The following CCNE1 variants were observed in gnomAD, a reference collection of about 807,000 sequenced individuals.
CCNE1 encodes the protein G1/S-specific cyclin-E1.
Under a neutral mutation model 54.1 loss-of-function variants are expected in CCNE1, and 8 were observed. That is an observed-to-expected ratio of 0.15 (90% CI 0.09 to 0.27). The LOEUF is 0.27. CCNE1 is among the 10% of genes least tolerant of loss of function. The pLI, the probability that CCNE1 is intolerant of heterozygous loss-of-function variation, is 1.00. For synonymous variants in CCNE1, 179 were observed against 185.2 expected (o/e 0.97, Z 0.27); for missense variants, 430 against 514.9 (o/e 0.84, Z 1.60).
At chr19:29,816,169 A>G (rs1056983256) in intron 4 of CCNE1, among the ~76,000 whole-genome samples, 3 of 151,846 alleles carry the variant, frequency 2.0e-5, no homozygotes, top group Admixed American at 6.6e-5. Context: ...AAAAAAAAAA[A>G]AAAAGCCAAG....
chr19:29,821,729 A>G lies in CCNE1; in HGVS notation c.617A>G (p.Tyr206Cys), dbSNP rs149261350. The G allele has an allele frequency of 3.1e-4, 496 of 1,602,884 alleles. No homozygotes were observed. The highest frequency in any genetic ancestry group is 4.5e-4 in the African/African-American group (34 of 74,774). ...LFIAAKLEEI[Y>C]PPKLHQFAYV... is the part of the protein sequence containing the mutation. Reference sequence around the variant, plus strand: ...TCTTTTATTTCCTTTCAGGAAATCTATCCTCCAAAGTTGCACCAGTTTGCG... The same window carrying G: ...TCTTTTATTTCCTTTCAGGAAATCTGTCCTCCAAAGTTGCACCAGTTTGCG... The change falls in exon 8 of 12, where the codon TAT becomes TGT. Residue 206 changes from tyrosine to cysteine, a missense_variant. Tyr to Cys is a radical substitution (Grantham distance 194). Coordinates refer to ENST00000262643, the MANE Select transcript of CCNE1 (RefSeq NM_001238.4).
intron 6 of CCNE1, among the ~76,000 whole-genome samples, chr19:29,820,367 G>A (rs145696372): frequency 6.0e-4 from 91 of 152,146 alleles, no homozygotes; most frequent in African/African-American, 1.8e-3. Flanking sequence ...CCTGGCCAAC[G>A]TGGTGAAATA....
chr19:29,812,515 C>T lies in CCNE1; in HGVS notation c.-24-17C>T, dbSNP rs1408785361. 4 of 1,289,328 alleles carry T rather than the reference C, an allele frequency of 3.1e-6. No homozygotes were observed. Among genetic ancestry groups the T allele is most frequent in the Non-Finnish European group, 3.9e-6 (4 of 1,025,888 alleles). 79.9% of individuals were successfully genotyped at this position (1,289,328 alleles called of 1,614,324 possible). On this transcript the variant is annotated splice_polypyrimidine_tract_variant and intron_variant, in intron 1 of 11. Transcript: ENST00000262643. ...CGGCCTGACCCCGCCGCCGCCTCAC[C>T]CCGCGCCGCCCCGCAGGCCTCAGGC...
At chr19:29,816,137 CAG>C (rs928855239) in intron 4 of CCNE1, among the ~76,000 whole-genome samples, 5 of 133,022 alleles carry the variant, frequency 3.8e-5, no homozygotes, top group Admixed American at 2.5e-4. Flanking sequence ...GCCTGGGGAA[CAG>C]AGGGAGACCC....
Position 29,822,478 on chromosome 19 carries a change from A to G in CCNE1, c.985A>G (p.Lys329Glu). The G allele has an allele frequency of 6.2e-7, 1 of 1,614,136 alleles. No homozygotes were observed. Among genetic ancestry groups the G allele is most frequent in the East Asian group, 2.2e-5 (1 of 44,880 alleles). ...GTGGTGCGACATAGAGAACTGTGTC[A>G]AGTGGATGGTTCCATTTGCCATGGT... ...YQWCDIENCV[K>E]WMVPFAMVIR... Residue 329 changes from lysine (K) to glutamate (E), a missense_variant, in exon 11 of 12, where the codon AAG becomes GAG. This residue lies in a region of CCNE1 where 303 missense variants were observed against 401.1 expected (regional missense o/e 0.76). Coordinates refer to ENST00000262643, the MANE Select transcript of CCNE1 (RefSeq NM_001238.4).
At chr19:29,812,848 C>T (rs1973926867) in intron 3 of CCNE1, 72 bp downstream of exon 3, 2 of 1,578,562 alleles carry the variant, frequency 1.3e-6, no homozygotes, top group Admixed American at 1.8e-5. Context: ...GCTCTGCCTA[C>T]GGGGGCGGGG....
Position 29,820,731 on chromosome 19 carries a change from G to C in CCNE1, c.492G>C (p.Glu164Asp), listed in dbSNP as rs138463303. 1 of 1,612,080 alleles carries C rather than the reference G, an allele frequency of 6.2e-7. No individual in the cohort carries two copies. Among genetic ancestry groups the C allele is most frequent in the African/African-American group, 1.3e-5 (1 of 74,768 alleles). The change falls in exon 7 of 12, where the codon GAG becomes GAC. Residue 164 changes from glutamate to aspartate, a missense_variant. This residue lies in a region of CCNE1 where 303 missense variants were observed against 401.1 expected (regional missense o/e 0.76). Transcript: ENST00000262643. ...EVCEVYKLHR[E>D]TFYLAQDFFD... ...GTGAAGTCTATAAACTTCACAGGGA[G>C]ACCTTTTACTTGGCACAAGATTTCT...
chr19:29,813,671 C>G (rs1030617265), intron 4 of CCNE1, among the ~76,000 whole-genome samples: 1 of 139,702 alleles, frequency 7.2e-6, no homozygotes, highest in African/African-American at 2.5e-5. Flanking sequence ...TAGGTGGTGT[C>G]TCAATACATT....
intron 6 of CCNE1, among the ~76,000 whole-genome samples, chr19:29,819,824 G>A (rs1272236553): frequency 1.3e-5 from 2 of 152,170 alleles, no homozygotes; most frequent in Non-Finnish European, 2.9e-5. Context: ...GACATCTCAG[G>A]CAGACCTGCT....
At chr19:29,822,187 T>C (rs1206717839) in intron 9 of CCNE1, 53 bp from the exon 10 acceptor site, 54 of 1,611,856 alleles carry the variant, frequency 3.4e-5, no homozygotes, top group Non-Finnish European at 4.2e-5. Flanking sequence ...AGTGAGGAAC[T>C]CTAGAATAGG....
intron 6 of CCNE1, among the ~76,000 whole-genome samples, chr19:29,818,239 G>A (rs565928230): frequency 1.3e-5 from 2 of 152,164 alleles, no homozygotes; most frequent in Non-Finnish European, 2.9e-5. Flanking sequence ...TGTTAGCCAG[G>A]ATGGTCTCGA....
chr19:29,813,051 G>C lies in CCNE1; in HGVS notation c.180+14G>C. 6.2e-7 allele frequency: 1 copy of C among 1,613,696 alleles called. No homozygotes were observed. The highest frequency in any genetic ancestry group is 8.5e-7 in the Non-Finnish European group (1 of 1,179,656). ...TGTGGGAGCCAGGTAGGTCCGCCCG[G>C]GGTTGGGCCTCTGTGGAGGTCCTTC... On this transcript the variant is annotated intron_variant, in intron 4 of 11. Transcript: ENST00000262643.
chr19:29,822,496 G>C lies in CCNE1; in HGVS notation c.1003G>C (p.Ala335Pro), dbSNP rs2145729876. Residue 335 changes from alanine (A) to proline (P), a missense_variant, in exon 11 of 12, where the codon GCC (alanine) becomes CCC (proline). This residue lies in a region of CCNE1 where 303 missense variants were observed against 401.1 expected (regional missense o/e 0.76). Transcript: ENST00000262643. ...ENCVKWMVPF[A>P]MVIRETGSSK... Reference sequence around the variant, plus strand: ...CTGTGTCAAGTGGATGGTTCCATTTGCCATGGTTATAAGGGAGACGGGGAG... The same window carrying C: ...CTGTGTCAAGTGGATGGTTCCATTTCCCATGGTTATAAGGGAGACGGGGAG... 6.2e-7 allele frequency: 1 copy of C among 1,614,110 alleles called. No homozygotes were observed. The highest frequency in any genetic ancestry group is 8.5e-7 in the Non-Finnish European group (1 of 1,180,012).
chr19:29,813,311 C>A (rs1325276879), intron 4 of CCNE1: 1 of 460,614 alleles, frequency 2.2e-6, no homozygotes, highest in African/African-American at 2.0e-5. Context: ...TCACAGTATT[C>A]AGTCCTCCCC....
rs1472595244 is a variant in CCNE1 at position 29,812,772 on chromosome 19, C to A, written c.107C>A (p.Thr36Asn). Reference sequence around the variant, plus strand: ...TCCAGGAAGAGGAAGGCAAACGTGACCGTTGTGAGTACAAAAGAGACAGGT... The same window carrying A: ...TCCAGGAAGAGGAAGGCAAACGTGAACGTTGTGAGTACAAAAGAGACAGGT... ...ARSRKRKANV[T>N]VFLQDPDEEM... Residue 36 changes from threonine (T) to asparagine (N), a missense_variant, in exon 3 of 12, where the codon ACC becomes AAC. By Grantham distance (65) the Thr-to-Asn change is moderately conservative (BLOSUM62 0). Coordinates refer to ENST00000262643, the MANE Select transcript of CCNE1 (RefSeq NM_001238.4). 6.3e-7 allele frequency: 1 copy of A among 1,589,970 alleles called. No individual in the cohort carries two copies. Among genetic ancestry groups the A allele is most frequent in the Admixed American group, 1.9e-5 (1 of 54,030 alleles).
rs138943337 is a variant in CCNE1, at chr19:29,815,721, C to T, written c.181-1416C>T. Reference sequence around the variant, plus strand: ...TCGGCTCCCTGCAACCTCCGCCTCCCAGGTTCAAGTGATTCTCCTGCTTCA... The same window carrying T: ...TCGGCTCCCTGCAACCTCCGCCTCCTAGGTTCAAGTGATTCTCCTGCTTCA... On this transcript the variant is annotated intron_variant, in intron 4 of 11. Coordinates refer to ENST00000262643, the MANE Select transcript of CCNE1 (RefSeq NM_001238.4). Among the ~76,000 whole-genome samples, 213 of 151,254 alleles carry T rather than the reference C, an allele frequency of 1.4e-3. 1 individual carries two copies. The highest frequency in any genetic ancestry group is 5.0e-3 in the African/African-American group (207 of 41,146).
chr19:29,822,050 A>C lies in CCNE1; in HGVS notation c.760A>C (p.Met254Leu), dbSNP rs1418732142. Residue 254 changes from methionine to leucine, a missense_variant, in exon 9 of 12, where the codon ATG becomes CTG. By Grantham distance (15) the Met-to-Leu change is conservative. This residue lies in a region of CCNE1 where 303 missense variants were observed against 401.1 expected (regional missense o/e 0.76). Coordinates refer to ENST00000262643, the MANE Select transcript of CCNE1 (RefSeq NM_001238.4). ...LTIVSWLNVY[M>L]QVAYLNDLHE... ...TATTGTGTCCTGGCTGAATGTATAC[A>C]TGCAGGTTGCATATCTAAATGACTT... 6.2e-7 allele frequency: 1 copy of C among 1,613,942 alleles called. No homozygotes were observed. The highest frequency in any genetic ancestry group is 1.1e-5 in the South Asian group (1 of 91,084).
chr19:29,815,064 G>T (rs971377479), intron 4 of CCNE1, among the ~76,000 whole-genome samples: 2 of 152,178 alleles, frequency 1.3e-5, no homozygotes, highest in Admixed American at 1.3e-4. Context: ...GTACACTCAA[G>T]GACATAGACT....
At chr19:29,812,472 G>GA (rs200996365) in intron 1 of CCNE1, 60 bp from the exon 2 acceptor site, 2 of 1,143,222 alleles carry the variant, frequency 1.7e-6, no homozygotes, top group East Asian at 6.9e-5. Flanking sequence ...CGCAAAGGGG[G>GA]AAGGGGTACT....
Sources: gnomAD v4.1 joint callset for allele counts (sites outside exome capture counted in the v4.1 genomes callset) on GRCh38, gnomAD v4.1.1 for gene constraint, gnomAD v4.1.1 regional missense constraint, MANE v1.5 for transcripts, NCBI Gene and HGNC (gene_info 2026-07-23, HGNC 2026-07-21) for gene names.